Variants in RUNX1 observed in about 807,000 individuals in gnomAD.
The protein encoded by RUNX1 is runt-related transcription factor 1.
RUNX1 carries 19 observed loss-of-function variants against 42.8 expected under a neutral mutation model. The observed-to-expected ratio is 0.44, with a 90% CI of 0.31 to 0.65. The LOEUF (loss-of-function observed/expected upper bound fraction) is 0.65. Among genes scored for constraint, RUNX1 ranks in the 30% least tolerant of loss-of-function variants. The pLI is 0.07. For missense variants in RUNX1, 528 were observed against 672.0 expected, an observed-to-expected ratio of 0.79 and a Z score of 2.37; for synonymous variants, 271 against 289.4, an observed-to-expected ratio of 0.94 and a Z score of 0.64.
At chr21:34,910,649 G>A (rs1000765345) in intron 2 of RUNX1, among the ~76,000 whole-genome samples, 1 of 152,208 alleles carries the variant, frequency 6.6e-6, no homozygotes, top group Non-Finnish European at 1.5e-5. Flanking sequence ...GCTGCCCTGT[G>A]AGTGGATGCC....
intron 2 of RUNX1, among the ~76,000 whole-genome samples, chr21:35,039,985 T>C (rs1003515575): frequency 1.3e-5 from 2 of 152,246 alleles, no homozygotes; most frequent in Non-Finnish European, 2.9e-5. Context: ...ACCCATTCAT[T>C]ACATGAAAGG....
At chr21:34,823,725 G>A (rs1601397373) in intron 7 of RUNX1, among the ~76,000 whole-genome samples, 1 of 152,102 alleles carries the variant, frequency 6.6e-6, no homozygotes, top group African/African-American at 2.4e-5. Flanking sequence ...TTACCAGCAT[G>A]AGCCACTGTG....
At chr21:34,899,365 TG>T (rs543602924) in intron 2 of RUNX1, among the ~76,000 whole-genome samples, 5 of 152,146 alleles carry the variant, frequency 3.3e-5, no homozygotes, top group South Asian at 4.1e-4. Flanking sequence ...GTCCTCATGA[TG>T]GGATTAATGC....
intron 1 of RUNX1, 31 bp downstream of exon 1, chr21:35,049,137 G>T: frequency 2.0e-6 from 1 of 507,428 alleles, no homozygotes; most frequent in South Asian, 2.1e-5. Flanking sequence ...AAAAGCCAGC[G>T]CCGCCTTGGC....
At chr21:35,011,216 G>C (rs1196705343) in intron 2 of RUNX1, among the ~76,000 whole-genome samples, 1 of 152,120 alleles carries the variant, frequency 6.6e-6, no homozygotes, top group African/African-American at 2.4e-5. Flanking sequence ...GAGTATTCTT[G>C]GGACAAACAG....
intron 6 of RUNX1, among the ~76,000 whole-genome samples, chr21:34,848,798 C>T (rs954240329): frequency 6.6e-6 from 1 of 152,090 alleles, no homozygotes; most frequent in Non-Finnish European, 1.5e-5. Context: ...GCGCGTGGGA[C>T]GTGGCTCCGC....
At chr21:34,971,115 T>C (rs1815637359) in intron 2 of RUNX1, among the ~76,000 whole-genome samples, 1 of 152,208 alleles carries the variant, frequency 6.6e-6, no homozygotes, top group Admixed American at 6.5e-5. Flanking sequence ...CCAAAATGCC[T>C]GGGATTATGT....
In RUNX1 at chr21:34,917,096, C is replaced by T. The variant is rs547754671; in HGVS notation, c.59-24133G>A. ...TAAGTCTATGGCTAGGGTTTGGAGACTTCTTTCCCATGGGCAGGTGGGCAT... is the reference window on the plus strand; with the variant it reads ...TAAGTCTATGGCTAGGGTTTGGAGATTTCTTTCCCATGGGCAGGTGGGCAT... On this transcript the variant is annotated intron_variant, in intron 2 of 8. Transcript: ENST00000675419. Among the ~76,000 whole-genome samples, 8 of 152,280 alleles carry T rather than the reference C, an allele frequency of 5.3e-5. No homozygotes were observed. In the South Asian group the frequency reaches 1.4e-3, roughly 28 times the overall value.
At chr21:34,910,611 C>A (rs2058264677) in intron 2 of RUNX1, among the ~76,000 whole-genome samples, 1 of 152,272 alleles carries the variant, frequency 6.6e-6, no homozygotes, top group East Asian at 1.9e-4. Flanking sequence ...AGATGAAGCC[C>A]TCTTCAGATG....
At chr21:35,018,029 G>A (rs558990200) in intron 2 of RUNX1, among the ~76,000 whole-genome samples, 1 of 152,044 alleles carries the variant, frequency 6.6e-6, no homozygotes, top group East Asian at 1.9e-4. Flanking sequence ...GTTTTTGTTT[G>A]TTTGTTTGTT....
chr21:34,889,182 C>T (rs2058044353), intron 3 of RUNX1, among the ~76,000 whole-genome samples: 1 of 151,832 alleles, frequency 6.6e-6, no homozygotes, highest in South Asian at 2.1e-4. Flanking sequence ...GCCCCAGATC[C>T]TGCGCGGCCG....
At chr21:34,922,399 C>T (rs1007237293) in intron 2 of RUNX1, among the ~76,000 whole-genome samples, 1 of 152,176 alleles carries the variant, frequency 6.6e-6, no homozygotes, top group South Asian at 2.1e-4. Context: ...AGGTACTTTA[C>T]TGTCTTTATA....
chr21:34,882,684 GCTA>G (rs1193622998), intron 4 of RUNX1, among the ~76,000 whole-genome samples: 2 of 141,382 alleles, frequency 1.4e-5, no homozygotes, highest in African/African-American at 5.7e-5. Context: ...TTTGGTTATT[GCTA>G]CTGTTTTTTT....
intron 2 of RUNX1, among the ~76,000 whole-genome samples, chr21:34,998,836 C>T (rs543106219): frequency 7.2e-5 from 11 of 152,304 alleles, no homozygotes; most frequent in South Asian, 2.1e-4. Context: ...CCACCGTGCC[C>T]GGCCTCTTTT....
chr21:34,871,113 C>T (rs1014176806), intron 5 of RUNX1, among the ~76,000 whole-genome samples: 14 of 152,140 alleles, frequency 9.2e-5, no homozygotes, highest in African/African-American at 3.4e-4. Context: ...GAGCCCACTT[C>T]CTCGGGGCTC....
In RUNX1 at chr21:34,893,015, CT is replaced by C. The variant is rs571166385; in HGVS notation, c.59-53del. ...AAAGTAATGCAAGTTTAAAAATTAA[CT>C]TTCCCCCGACTTTTTTTTTTTTGCT... On this transcript the variant is annotated intron_variant, in intron 2 of 8. Coordinates refer to ENST00000675419, the MANE Select transcript of RUNX1 (RefSeq NM_001754.5). The C allele has an allele frequency of 3.7e-5, 46 of 1,249,940 alleles. No individual in the cohort carries two copies. In the Admixed American group the frequency reaches 7.4e-4, roughly 20 times the overall value. The allele number at this position is 1,249,940 out of a possible 1,614,324, so 77.4% of individuals were successfully genotyped here.
chr21:35,043,848 T>C (rs1360988015), intron 2 of RUNX1, among the ~76,000 whole-genome samples: 1 of 152,168 alleles, frequency 6.6e-6, no homozygotes, highest in East Asian at 1.9e-4. Flanking sequence ...TGATTACAAA[T>C]GTTCCCAAGG....
At chr21:35,048,790 T>C (rs369926743) in intron 2 of RUNX1, 52 bp downstream of exon 2, 4 of 1,496,026 alleles carry the variant, frequency 2.7e-6, no homozygotes, top group Admixed American at 1.7e-5. Flanking sequence ...TGCCATTTCA[T>C]TACAGGCAAA....
At chr21:34,955,909 T>C (rs1277067229) in intron 2 of RUNX1, among the ~76,000 whole-genome samples, 2 of 152,206 alleles carry the variant, frequency 1.3e-5, no homozygotes, top group Non-Finnish European at 2.9e-5. Context: ...CAACTGCACT[T>C]CAACCAGGTT....
Sources: gnomAD v4.1 joint callset for allele counts (sites outside exome capture counted in the v4.1 genomes callset) on GRCh38, gnomAD v4.1.1 for gene constraint, MANE v1.5 for transcripts, NCBI Gene and HGNC (gene_info 2026-07-23, HGNC 2026-07-21) for gene names.